The following BSN variants were observed in gnomAD, a reference collection of about 807,000 sequenced individuals.
BSN encodes protein bassoon.
BSN carries 57 observed loss-of-function variants against 264.8 expected under a neutral mutation model. The observed-to-expected ratio is 0.22, with a 90% confidence interval of 0.17 to 0.27. The LOEUF is 0.27. BSN is among the 10% of genes least tolerant of loss of function. The pLI is 1.00. For missense variants in BSN, 4,615 were observed against 5,232.5 expected (o/e 0.88, Z 3.64); for synonymous variants, 2,059 against 2,137.3 (o/e 0.96, Z 1.01).
In BSN at chr3:49,654,477, T is replaced by C. The variant is rs760746720; in HGVS notation, c.4921T>C (p.Ser1641Pro). ...GWGALPAENISLCRISSVPGT... is the reference protein window; with the variant it reads ...GWGALPAENIPLCRISSVPGT... ...GGGTGCCCTCCCTGCTGAGAACATC[T>C]CCCTGTGCCGGATCTCCTCTGTCCC... Residue 1641 changes from serine (S) to proline (P), a missense_variant, in exon 5 of 12, where the codon TCC becomes CCC. Ser to Pro is a moderately conservative substitution (Grantham distance 74). Coordinates refer to ENST00000296452, the MANE Select transcript of BSN (RefSeq NM_003458.4). This position sits in a 1 kb window ranked among gnomAD's most constrained non-coding sequence, Gnocchi z 4.1. 6.2e-7 allele frequency: 1 copy of C among 1,609,586 alleles called. No homozygotes were observed. Among genetic ancestry groups the C allele is most frequent in the Admixed American group, 1.7e-5 (1 of 59,770 alleles).
At chr3:49,594,084 G>A (rs558905807) in intron 1 of BSN, among the ~76,000 whole-genome samples, 4 of 152,182 alleles carry the variant, frequency 2.6e-5, no homozygotes, top group Non-Finnish European at 4.4e-5. Flanking sequence ...GAGCCACCAC[G>A]CCCGGCCGCT....
rs774265630 is a variant in BSN at position 49,658,105 on chromosome 3, T to G, written c.8549T>G (p.Leu2850Arg). 2 of 1,612,920 alleles carry G rather than the reference T, an allele frequency of 1.2e-6. No homozygotes were observed. Among genetic ancestry groups the G allele is most frequent in the Non-Finnish European group, 1.7e-6 (2 of 1,179,846 alleles). Residue 2850 changes from leucine (L) to arginine (R), a missense_variant, in exon 5 of 12, where the codon CTG (leucine) becomes CGG (arginine). Physicochemically the swap from Leu to Arg is moderately radical, Grantham distance 102 (BLOSUM62 -2). Around this residue, in one of 3 missense-constraint regions of BSN, gnomAD observed 3,415 missense variants for 3,866.4 expected, o/e 0.88. Coordinates refer to ENST00000296452, the MANE Select transcript of BSN (RefSeq NM_003458.4). ...CCCATGAAGACCCTGCAGCGGTCCC[T>G]GTCTGACCCTAAGCCCCTCAGCCCC... ...PRPMKTLQRSLSDPKPLSPTA... is the reference protein window; with the variant it reads ...PRPMKTLQRSRSDPKPLSPTA...
At position 49,627,020 on chromosome 3, in the gene BSN, T is replaced by C. The variant is rs184125651; in HGVS notation, c.633+1637T>C. On this transcript the variant is annotated intron_variant, in intron 2 of 11. Coordinates refer to ENST00000296452, the MANE Select transcript of BSN (RefSeq NM_003458.4). ...GGAGACACTCAGTCCATCTGCCTCA[T>C]TGTGCTGGGAGGAAGCTGAGGCTCA... is the stretch of plus-strand genomic sequence containing the variant. Among the ~76,000 whole-genome samples, 58 of 152,326 alleles carry C rather than the reference T, an allele frequency of 3.8e-4. No individual in the cohort carries two copies. In the East Asian group the frequency reaches 9.8e-3, roughly 26 times the overall value.
At chr3:49,575,636 GTA>G (rs765713548) in intron 1 of BSN, among the ~76,000 whole-genome samples, 45 of 98,788 alleles carry the variant, frequency 4.6e-4, no homozygotes, top group South Asian at 2.0e-3. Context: ...GTATATATAT[GTA>G]TATATATGTG....
intron 1 of BSN, among the ~76,000 whole-genome samples, chr3:49,604,643 G>A (rs145788158): frequency 0.01 from 1,566 of 152,086 alleles, 16 homozygotes; most frequent in Non-Finnish European, 0.016. Context: ...TTCACCTTTT[G>A]GCTAGTGTGA....
At chr3:49,565,541 C>T (rs555831378) in intron 1 of BSN, among the ~76,000 whole-genome samples, 3 of 152,034 alleles carry the variant, frequency 2.0e-5, no homozygotes, top group East Asian at 1.9e-4. Flanking sequence ...AGGATGGGCC[C>T]GATCTCCTGA....
intron 2 of BSN, among the ~76,000 whole-genome samples, chr3:49,640,011 G>A (rs1393377080): frequency 1.3e-5 from 2 of 150,704 alleles, no homozygotes; most frequent in Non-Finnish European, 3.0e-5. Flanking sequence ...CAGTAGCCCT[G>A]GGGCCTCAAG....
rs746556480 is a variant in BSN, at chr3:49,655,364, AAGC to A, written c.5815_5817del (p.Ser1939del). ...TGGCAGATGCTGCCCCACCTGGCCAAAGCAGCAGCCCCTTCTATGGTCCCCGGG... is the reference window on the plus strand; with the variant it reads ...TGGCAGATGCTGCCCCACCTGGCCAAAGCAGCCCCTTCTATGGTCCCCGGG... On this transcript the variant is annotated inframe_deletion, in exon 5 of 12. Transcript: ENST00000296452. 11 of 1,592,586 alleles carry A rather than the reference AAGC, an allele frequency of 6.9e-6. No individual in the cohort carries two copies. The highest frequency in any genetic ancestry group is 9.4e-6 in the Non-Finnish European group (11 of 1,169,092).
intron 1 of BSN, among the ~76,000 whole-genome samples, chr3:49,589,510 TTTC>T (rs1035208698): frequency 0.035 from 143 of 4,100 alleles, 3 homozygotes; most frequent in Non-Finnish European, 0.023. Flanking sequence ...TCTTTCTTTC[TTTC>T]TTTTTTTTTT....
At chr3:49,561,363 G>A (rs933894012) in intron 1 of BSN, among the ~76,000 whole-genome samples, 18 of 152,168 alleles carry the variant, frequency 1.2e-4, no homozygotes, top group African/African-American at 4.3e-4. Flanking sequence ...TGTATCCAGA[G>A]GAGCCCGAGC....
rs1161679859 is a variant in BSN, at chr3:49,642,520, C to T, written c.886C>T (p.Pro296Ser). Residue 296 changes from proline to serine, a missense_variant, in exon 3 of 12, where the codon CCT becomes TCT. Coordinates refer to ENST00000296452, the MANE Select transcript of BSN (RefSeq NM_003458.4). This position sits in a 1 kb window ranked among gnomAD's most constrained non-coding sequence, Gnocchi z 7.0. ...GCCGGGGCCTGCCCAAGCAGCTGCCCCTCCAGAGGTGGGGAGGGTGTCTCC... is the reference window on the plus strand; with the variant it reads ...GCCGGGGCCTGCCCAAGCAGCTGCCTCTCCAGAGGTGGGGAGGGTGTCTCC... ...SVPGPAQAAA[P>S]PEVGRVSPQP... 4 of 1,575,538 alleles carry T rather than the reference C, an allele frequency of 2.5e-6. No homozygotes were observed. The highest frequency in any genetic ancestry group is 4.5e-5 in the East Asian group (2 of 44,328).
chr3:49,616,505 G>A (rs1023535875), intron 1 of BSN, among the ~76,000 whole-genome samples: 2 of 152,198 alleles, frequency 1.3e-5, no homozygotes, highest in African/African-American at 4.8e-5. Flanking sequence ...GTTTCTTTAA[G>A]TTCACTCCCC....
Position 49,617,280 on chromosome 3 carries a change from ACATTATATATATATATAT to A in BSN, c.225-7694_225-7677del, listed in dbSNP as rs1559606413. On this transcript the variant is annotated intron_variant, in intron 1 of 11. Transcript: ENST00000296452. Reference sequence around the variant, plus strand: ...CTTAAAGTAAAATAAAAAATAAAATACATTATATATATATATATATATATATATATATATATATAATTT... The same window carrying A: ...CTTAAAGTAAAATAAAAAATAAAATAATATATATATATATATATATAATTT... Among the ~76,000 whole-genome samples the A allele has an allele frequency of 3.1e-4, 20 of 63,966 alleles. 1 individual carries two copies. Among genetic ancestry groups the A allele is most frequent in the Admixed American group, 7.5e-4 (6 of 8,042 alleles). The allele number at this position is 63,966 out of a possible 152,430, so 42.0% of individuals were successfully genotyped here.
chr3:49,659,871 G>A (rs2052638978), intron 5 of BSN, among the ~76,000 whole-genome samples: 1 of 152,178 alleles, frequency 6.6e-6, no homozygotes, highest in Admixed American at 6.5e-5. Flanking sequence ...TTGGCAGAGG[G>A]CAGTGCAGGG....
Position 49,652,120 on chromosome 3 carries a change from A to G in BSN, c.2564A>G (p.Asp855Gly), listed in dbSNP as rs2052546463. 1.9e-6 allele frequency: 3 copies of G among 1,613,364 alleles called. No homozygotes were observed. Among genetic ancestry groups the G allele is most frequent in the Non-Finnish European group, 2.5e-6 (3 of 1,179,520 alleles). The change falls in exon 5 of 12, where the codon GAC becomes GGC. Residue 855 changes from aspartate to glycine, a missense_variant. Coordinates refer to ENST00000296452, the MANE Select transcript of BSN (RefSeq NM_003458.4). ...RQILEMSAEE[D>G]NLEEDDTATS... is the part of the protein sequence containing the mutation. ...ATTCTCGAGATGAGCGCCGAGGAAG[A>G]CAACCTGGAGGAGGATGACACTGCC...
chr3:49,576,069 GTAAGAGACAAGGTGTTGTCTCT>G (rs1252163405), intron 1 of BSN, among the ~76,000 whole-genome samples: 1 of 152,108 alleles, frequency 6.6e-6, no homozygotes, highest in African/African-American at 2.4e-5. Flanking sequence ...GATAACTTTT[GTAAGAGACAAGGTGTTGTCTCT>G]TACTGAATTA....
In BSN at chr3:49,659,028, G is replaced by GT. The variant is rs1327652647; in HGVS notation, c.8640+835dup. Among the ~76,000 whole-genome samples the GT allele has an allele frequency of 2.6e-5, 4 of 152,216 alleles. No homozygotes were observed. The East Asian group carries it at 7.7e-4, about 29-fold the overall frequency. ...TGGGACAAAGCAGATGTTTTGGAAAGTTTCCTGGGCAGAATGTGGGAGGGT... is the reference window on the plus strand; with the variant it reads ...TGGGACAAAGCAGATGTTTTGGAAAGTTTTCCTGGGCAGAATGTGGGAGGGT... On this transcript the variant is annotated intron_variant, in intron 5 of 11. Transcript: ENST00000296452.
intron 1 of BSN, among the ~76,000 whole-genome samples, chr3:49,580,250 T>C (rs555117277): frequency 6.1e-4 from 93 of 151,986 alleles, no homozygotes; most frequent in Non-Finnish European, 1.0e-3. Context: ...CCAATTTATG[T>C]GTGGTTTTGA....
chr3:49,658,241 C>T (rs781527381), intron 5 of BSN, 45 bp downstream of exon 5: 5 of 1,486,224 alleles, frequency 3.4e-6, no homozygotes, highest in Non-Finnish European at 4.5e-6. Flanking sequence ...GGGTCTCTGC[C>T]TAGCCCGAGG....
Sources: allele counts gnomAD v4.1 joint callset (sites outside exome capture counted in the v4.1 genomes callset), GRCh38; gene constraint gnomAD v4.1.1; regional missense constraint gnomAD v4.1.1; non-coding constraint Gnocchi (gnomAD v3.1); transcripts MANE v1.5; gene names NCBI Gene and HGNC (gene_info 2026-07-23, HGNC 2026-07-21).